Variants in PTN observed in about 807,000 individuals in gnomAD.
The protein encoded by PTN is pleiotrophin.
A neutral mutation model predicts 24.1 loss-of-function variants in PTN; 18 were observed. The observed-to-expected ratio is 0.75, with a 90% confidence interval of 0.52 to 1.11. The LOEUF (loss-of-function observed/expected upper bound fraction) is 1.11, where lower values mean the gene tolerates loss of function less well. Among genes scored for constraint, PTN ranks in the 50% least tolerant of loss-of-function variants. The pLI, the probability that PTN is intolerant of heterozygous loss-of-function variation, is 0.00. For synonymous variants in PTN, 78 were observed against 68.6 expected (o/e 1.14, Z -0.67); for missense variants, 163 against 198.8 (o/e 0.82, Z 1.08).
rs564489336 is a variant in PTN, at chr7:137,252,894, C to G, written c.289+570G>C. 3.3e-4 allele frequency among the ~76,000 whole-genome samples: 49 copies of G among 149,138 alleles called. 2 individuals are homozygous for G. Among genetic ancestry groups the G allele is most frequent in the African/African-American group, 1.2e-3 (46 of 38,570 alleles). On this transcript the variant is annotated intron_variant, in intron 3 of 4. Transcript: ENST00000348225. ...AAGATTTATGAAACGTGGCTGTGAG[C>G]AGCCCTGCTGAACTCAGTAAGTGAA...
At chr7:137,243,119 T>C (rs1371516407) in intron 4 of PTN, among the ~76,000 whole-genome samples, 1 of 152,104 alleles carries the variant, frequency 6.6e-6, no homozygotes, top group African/African-American at 2.4e-5. Context: ...GTATTTTTAT[T>C]AGAGATGGGG....
rs576278094 is a variant in PTN at position 137,330,252 on chromosome 7, C to T, written c.-2+13187G>A. Among the ~76,000 whole-genome samples the T allele has an allele frequency of 3.3e-5, 5 of 151,926 alleles. 1 individual carries two copies. The highest frequency in any genetic ancestry group is 3.4e-3 in the Middle Eastern group (1 of 294). On this transcript the variant is annotated intron_variant, in intron 1 of 4. Transcript: ENST00000348225. ...AGTGAGCTGAAATCGTGCCACTGCA[C>T]TCCAGCCTGGGCAACACAGCAAGAC...
At chr7:137,251,732 T>A (rs1808831449) in intron 3 of PTN, among the ~76,000 whole-genome samples, 1 of 151,852 alleles carries the variant, frequency 6.6e-6, no homozygotes, top group Non-Finnish European at 1.5e-5. Flanking sequence ...CCTTATCTGT[T>A]CTCTAGCTCT....
intron 1 of PTN, among the ~76,000 whole-genome samples, chr7:137,272,768 C>T (rs1194100784): frequency 1.3e-5 from 2 of 152,092 alleles, no homozygotes; most frequent in Non-Finnish European, 2.9e-5. Flanking sequence ...AATTGTAATA[C>T]ATAAAGGAAG....
intron 1 of PTN, among the ~76,000 whole-genome samples, chr7:137,276,008 C>A (rs538236996): frequency 1.1e-4 from 16 of 152,156 alleles, no homozygotes; most frequent in Non-Finnish European, 1.9e-4. Context: ...CACTGCCATA[C>A]AACTAAGCAA....
chr7:137,318,731 G>C (rs1034793755), intron 1 of PTN: 10 of 148,774 alleles, frequency 6.7e-5, no homozygotes, highest in African/African-American at 1.0e-4. Context: ...TTTGGAGTCA[G>C]ACAACCTAAG....
chr7:137,279,740 A>G (rs1486519500), intron 1 of PTN, among the ~76,000 whole-genome samples: 1 of 152,232 alleles, frequency 6.6e-6, no homozygotes, highest in Admixed American at 6.5e-5. Flanking sequence ...ATATGGATCC[A>G]TGAAGAATTT....
chr7:137,238,968 A>G (rs1808571800), intron 4 of PTN, among the ~76,000 whole-genome samples: 1 of 152,174 alleles, frequency 6.6e-6, no homozygotes, highest in Admixed American at 6.5e-5. Flanking sequence ...AAACCCAATA[A>G]CTAATATGCA....
intron 1 of PTN, among the ~76,000 whole-genome samples, chr7:137,337,199 G>T (rs1320883627): frequency 6.6e-6 from 1 of 152,196 alleles, no homozygotes; most frequent in African/African-American, 2.4e-5. Context: ...AACTGCTGCT[G>T]TAGGTTATTT....
chr7:137,319,237 G>A (rs903770843), intron 1 of PTN, among the ~76,000 whole-genome samples: 7 of 152,088 alleles, frequency 4.6e-5, no homozygotes, highest in African/African-American at 1.7e-4. Flanking sequence ...CTGTAAAATG[G>A]GATTAATTAG....
In PTN at chr7:137,251,342, T is replaced by C. The variant is rs2128870909; in HGVS notation, c.339A>G (p.Thr113=). Residue 113 remains threonine (T), a synonymous_variant, in exon 4 of 5, where the codon ACA becomes ACG. Transcript: ENST00000348225. ...FQAWGECDLN[T]ALKTRTGSLK... Reference sequence around the variant, plus strand: ...GACTTCCAGTTCTGGTCTTCAGGGCTGTGTTCAGGTCACATTCTCCCCAGG... The same window carrying C: ...GACTTCCAGTTCTGGTCTTCAGGGCCGTGTTCAGGTCACATTCTCCCCAGG... The C allele has an allele frequency of 6.2e-7, 1 of 1,614,146 alleles. No individual in the cohort carries two copies. The highest frequency in any genetic ancestry group is 8.5e-7 in the Non-Finnish European group (1 of 1,180,008).
intron 4 of PTN, among the ~76,000 whole-genome samples, chr7:137,245,722 A>G (rs1808711066): frequency 6.6e-6 from 1 of 152,216 alleles, no homozygotes; most frequent in Non-Finnish European, 1.5e-5. Flanking sequence ...AAGACCTTCC[A>G]GTGGGACAAG....
intron 1 of PTN, among the ~76,000 whole-genome samples, chr7:137,335,166 A>C (rs1810425890): frequency 6.6e-6 from 1 of 151,998 alleles, no homozygotes; most frequent in Non-Finnish European, 1.5e-5. Flanking sequence ...CACATTGTGC[A>C]CATGTACCCT....
chr7:137,249,968 A>C (rs1224873976), intron 4 of PTN, among the ~76,000 whole-genome samples: 1 of 152,184 alleles, frequency 6.6e-6, no homozygotes, highest in Admixed American at 6.5e-5. Context: ...TCTGGCCACC[A>C]GCAGGAAACC....
chr7:137,299,147 C>CT (rs1809765590), intron 1 of PTN, among the ~76,000 whole-genome samples: 1 of 151,936 alleles, frequency 6.6e-6, no homozygotes, highest in African/African-American at 2.4e-5. Context: ...ACTAATATGC[C>CT]TAGCCCTACC....
intron 1 of PTN, chr7:137,325,853 G>A (rs558574296): frequency 3.3e-5 from 5 of 152,206 alleles, no homozygotes; most frequent in South Asian, 2.1e-4. Context: ...GCCTCTCCTC[G>A]GCCAATTGGC....
At chr7:137,282,472 G>T (rs183853576) in intron 1 of PTN, among the ~76,000 whole-genome samples, 5 of 152,272 alleles carry the variant, frequency 3.3e-5, no homozygotes, top group Admixed American at 3.3e-4. Context: ...ACAAGCAGTA[G>T]CAGAGAAGCA....
chr7:137,286,982 C>T (rs1585030019), intron 1 of PTN, among the ~76,000 whole-genome samples: 1 of 152,130 alleles, frequency 6.6e-6, no homozygotes, highest in Admixed American at 6.6e-5. Flanking sequence ...ATAACTTACT[C>T]CCAACCACAC....
intron 1 of PTN, among the ~76,000 whole-genome samples, chr7:137,279,135 T>C (rs1437699719): frequency 1.3e-5 from 2 of 151,732 alleles, no homozygotes; most frequent in Non-Finnish European, 2.9e-5. Flanking sequence ...AATATCCTAA[T>C]AAACAAAAAC....
Sources: gnomAD v4.1 joint callset for allele counts (sites outside exome capture counted in the v4.1 genomes callset) on GRCh38, gnomAD v4.1.1 for gene constraint, MANE v1.5 for transcripts, NCBI Gene and HGNC (gene_info 2026-07-23, HGNC 2026-07-21) for gene names.